MACROD2: variants seen among roughly 807,000 people sequenced by gnomAD.
MACROD2 encodes mono-ADP ribosylhydrolase 2.
In MACROD2, 36 loss-of-function variants were observed where a neutral mutation model predicts 70.4. The observed-to-expected ratio is 0.51, with a 90% CI of 0.39 to 0.68. MACROD2 has a LOEUF of 0.68. Among genes scored for constraint, MACROD2 ranks in the 30% least tolerant of loss-of-function variants. The pLI is 0.00. For missense variants in MACROD2, 496 were observed against 538.4 expected, an observed-to-expected ratio of 0.92 and a Z score of 0.78; for synonymous variants, 172 against 178.8, an observed-to-expected ratio of 0.96 and a Z score of 0.30.
intron 5 of MACROD2, among the ~76,000 whole-genome samples, chr20:15,174,247 C>G (rs2076443246): frequency 6.6e-6 from 1 of 152,110 alleles, no homozygotes; most frequent in Non-Finnish European, 1.5e-5. Flanking sequence ...ATCTGTTCTG[C>G]TTTCTTCTAT....
intron 5 of MACROD2, among the ~76,000 whole-genome samples, chr20:14,792,359 A>G (rs1281117081): frequency 6.6e-6 from 1 of 152,114 alleles, no homozygotes; most frequent in Admixed American, 6.5e-5. Flanking sequence ...ACTTGACCGT[A>G]GTAAACATAC....
At chr20:14,917,689 G>T (rs1363986988) in intron 5 of MACROD2, among the ~76,000 whole-genome samples, 3 of 152,078 alleles carry the variant, frequency 2.0e-5, no homozygotes, top group Non-Finnish European at 4.4e-5. Flanking sequence ...AGGAGAACCA[G>T]GACAGACATC....
At chr20:15,790,167 T>C (rs1487204095) in intron 8 of MACROD2, among the ~76,000 whole-genome samples, 1 of 151,992 alleles carries the variant, frequency 6.6e-6, no homozygotes, top group Non-Finnish European at 1.5e-5. Context: ...TTATGTAATA[T>C]AATCGTACTA....
At chr20:15,772,040 G>A (rs1464696271) in intron 8 of MACROD2, among the ~76,000 whole-genome samples, 3 of 139,040 alleles carry the variant, frequency 2.2e-5, no homozygotes, top group South Asian at 4.6e-4. Flanking sequence ...AGCCGAGATC[G>A]CGCCACTGCA....
chr20:14,382,335 T>C (rs963824195), intron 3 of MACROD2, among the ~76,000 whole-genome samples: 4 of 138,614 alleles, frequency 2.9e-5, no homozygotes, highest in Middle Eastern at 3.4e-3. Flanking sequence ...GCTGGGATTA[T>C]AGGCGTGAGC....
At chr20:15,168,440 G>GGTGT (rs1555789084) in intron 5 of MACROD2, among the ~76,000 whole-genome samples, 5 of 105,306 alleles carry the variant, frequency 4.7e-5, no homozygotes, top group Non-Finnish European at 5.8e-5. Flanking sequence ...CACATTGTGG[G>GGTGT]ATGTGTGTGT....
At chr20:15,488,841 C>A (rs1185895094) in intron 7 of MACROD2, among the ~76,000 whole-genome samples, 1 of 152,204 alleles carries the variant, frequency 6.6e-6, no homozygotes, top group African/African-American at 2.4e-5. Context: ...TCTATGAGAT[C>A]TTTCATCTCC....
intron 5 of MACROD2, among the ~76,000 whole-genome samples, chr20:14,962,969 C>T (rs1464590250): frequency 2.6e-5 from 4 of 152,086 alleles, no homozygotes; most frequent in African/African-American, 4.8e-5. Flanking sequence ...AAAGCCTGTT[C>T]GGAGATGATT....
rs1413536309 is a variant in MACROD2 at position 15,145,491 on chromosome 20, CCTT to C, written c.419-84445_419-84443del. ...TATTTGATGTCTGAATAATCTGAAC[CCTT>C]CTTTTCTGGGCAGAAACATTTTATT... On this transcript the variant is annotated intron_variant, in intron 5 of 17. Transcript: ENST00000684519. Among the ~76,000 whole-genome samples, 3 of 152,006 alleles carry C rather than the reference CCTT, an allele frequency of 2.0e-5. No homozygotes were observed. The South Asian group carries it at 6.2e-4, about 32-fold the overall frequency.
rs118172188 is a variant in MACROD2 at position 15,762,277 on chromosome 20, C to T, written c.646-100468C>T. On this transcript the variant is annotated intron_variant, in intron 8 of 17. Coordinates refer to ENST00000684519, the MANE Select transcript of MACROD2 (RefSeq NM_001351661.2). ...AATGTTACTGTTTTCATCTTACTCA[C>T]GTGGAAAGTAAGGACAAGGCAGGTG... Among the ~76,000 whole-genome samples the T allele has an allele frequency of 2.3e-3, 348 of 152,242 alleles. 1 individual carries two copies. The highest frequency in any genetic ancestry group is 4.3e-3 in the Non-Finnish European group (293 of 68,022).
In MACROD2 at chr20:15,217,459, G is replaced by A. The variant is rs76633433; in HGVS notation, c.419-12481G>A. The stretch of plus-strand genomic sequence containing the variant: ...ACACAGTGAGTGAGTGGAGTGTGCT[G>A]TTGGGTTATGGAGACTTGTTTTTCT... On this transcript the variant is annotated intron_variant, in intron 5 of 17. Transcript: ENST00000684519. Among the ~76,000 whole-genome samples, 862 of 152,300 alleles carry A rather than the reference G, an allele frequency of 5.7e-3. 11 individuals carry two copies. The highest frequency in any genetic ancestry group is 0.019 in the African/African-American group (809 of 41,562).
At chr20:14,270,494 CAGG>C (rs1470627507) in intron 3 of MACROD2, among the ~76,000 whole-genome samples, 3 of 149,898 alleles carry the variant, frequency 2.0e-5, no homozygotes, top group Non-Finnish European at 4.4e-5. Context: ...GAGGCTGAAG[CAGG>C]AGAATTGCTT....
chr20:14,597,404 A>G (rs1982214743), intron 4 of MACROD2, among the ~76,000 whole-genome samples: 1 of 152,178 alleles, frequency 6.6e-6, no homozygotes, highest in African/African-American at 2.4e-5. Flanking sequence ...TTTTGAAGAA[A>G]TATACAGGGA....
In MACROD2 at chr20:14,716,042, C is replaced by T. The variant is rs142282563; in HGVS notation, c.418+31083C>T. 8.0e-4 allele frequency among the ~76,000 whole-genome samples: 122 copies of T among 152,256 alleles called. 1 individual carries two copies. Among genetic ancestry groups the T allele is most frequent in the African/African-American group, 2.6e-3 (109 of 41,534 alleles). On this transcript the variant is annotated intron_variant, in intron 5 of 17. Coordinates refer to ENST00000684519, the MANE Select transcript of MACROD2 (RefSeq NM_001351661.2). ...CTTACTCTCCACTCAGCTCTCTGAA[C>T]GCTACATATTCATGCAATTATAATT...
intron 3 of MACROD2, among the ~76,000 whole-genome samples, chr20:14,144,680 T>A (rs1045018408): frequency 6.6e-6 from 1 of 152,250 alleles, no homozygotes; most frequent in Non-Finnish European, 1.5e-5. Context: ...GTCATTTTTT[T>A]ACATCTCCAC....
intron 8 of MACROD2, among the ~76,000 whole-genome samples, chr20:15,721,591 A>T (rs1187795767): frequency 2.0e-5 from 3 of 152,162 alleles, no homozygotes; most frequent in Admixed American, 1.3e-4. Flanking sequence ...TTTATTTTAG[A>T]ATTTTTTCCT....
intron 7 of MACROD2, among the ~76,000 whole-genome samples, chr20:15,432,051 A>G (rs1271719002): frequency 6.6e-6 from 1 of 151,996 alleles, no homozygotes; most frequent in Non-Finnish European, 1.5e-5. Flanking sequence ...ACCTACCTAC[A>G]AGAACTTTTT....
chr20:14,629,247 G>T (rs1481022948), intron 4 of MACROD2, among the ~76,000 whole-genome samples: 3 of 152,066 alleles, frequency 2.0e-5, no homozygotes, highest in Admixed American at 6.6e-5. Context: ...ATTGGTTCCA[G>T]GTTAGTTAAG....
At chr20:15,128,853 T>C (rs1206570399) in intron 5 of MACROD2, among the ~76,000 whole-genome samples, 4 of 151,918 alleles carry the variant, frequency 2.6e-5, no homozygotes, top group African/African-American at 9.7e-5. Context: ...TGTTTTTTTT[T>C]TTCATCTACT....
Sources: allele counts gnomAD v4.1 joint callset (sites outside exome capture counted in the v4.1 genomes callset), GRCh38; gene constraint gnomAD v4.1.1; transcripts MANE v1.5; gene names NCBI Gene and HGNC (gene_info 2026-07-23, HGNC 2026-07-21).